The following DAXX variants were observed in gnomAD, a reference collection of about 807,000 sequenced individuals.
DAXX encodes the protein death domain associated protein, also known as death domain-associated protein 6.
DAXX carries 24 observed loss-of-function variants against 61.9 expected under a neutral mutation model. That is an observed-to-expected ratio of 0.39 (90% CI 0.28 to 0.55). The LOEUF is 0.55. Among genes scored for constraint, DAXX ranks in the 20% least tolerant of loss-of-function variants. The pLI, the probability that DAXX is intolerant of heterozygous loss-of-function variation, is 0.69. For synonymous variants in DAXX, 357 were observed against 369.5 expected (o/e 0.97, Z 0.39); for missense variants, 819 against 935.3 (o/e 0.88, Z 1.62).
chr6:33,321,793 G>C lies in DAXX; in HGVS notation c.133C>G (p.His45Asp). ...GAEAPSSSEP[H>D]GARGSSSSGG... ...GAACTACTGCTTCCTCTGGCCCCAT[G>C]AGGCTCAGAGGAGCTAGGGGCTTCT... is the stretch of plus-strand genomic sequence containing the variant. The change falls in exon 2 of 8, where the codon CAT becomes GAT. Residue 45 changes from histidine to aspartate, a missense_variant. Coordinates refer to ENST00000374542, the MANE Select transcript of DAXX (RefSeq NM_001141969.2). This position sits in a 1 kb window ranked among gnomAD's most constrained non-coding sequence, Gnocchi z 7.2. 1.9e-6 allele frequency: 3 copies of C among 1,612,096 alleles called. No individual in the cohort carries two copies. Among genetic ancestry groups the C allele is most frequent in the Non-Finnish European group, 2.5e-6 (3 of 1,178,564 alleles).
In DAXX at chr6:33,318,590, T is replaced by A. The variant is rs1332327039; in HGVS notation, c.*153A>T. 1 of 453,920 alleles carries A rather than the reference T, an allele frequency of 2.2e-6. No individual in the cohort carries two copies. The highest frequency in any genetic ancestry group is 2.1e-5 in the African/African-American group (1 of 48,606). The allele number at this position is 453,920 out of a possible 1,614,324, so 28.1% of individuals were successfully genotyped here. On this transcript the variant is annotated 3_prime_UTR_variant, in exon 8 of 8. Coordinates refer to ENST00000374542, the MANE Select transcript of DAXX (RefSeq NM_001141969.2). ...AGAAAAGAACTTTATTGTTTATTAA[T>A]GTTTCTGTGTAAAACTTAAGCTTTT... is the stretch of plus-strand genomic sequence containing the variant.
intron 6 of DAXX, 43 bp from the exon 7 acceptor site, chr6:33,319,262 T>C (rs761044913): frequency 6.4e-7 from 1 of 1,568,500 alleles, no homozygotes; most frequent in Non-Finnish European, 8.7e-7. Context: ...ACGGGAAGAC[T>C]GAGGCTGGAG....
chr6:33,320,656 A>G lies in DAXX; in HGVS notation c.1040-65T>C, dbSNP rs1289253458. Reference sequence around the variant, plus strand: ...AAGGGACTAGAAGAGTAAAAACCCTAGAAAGGACTAGAGAGATGCCCCATC... The same window carrying G: ...AAGGGACTAGAAGAGTAAAAACCCTGGAAAGGACTAGAGAGATGCCCCATC... On this transcript the variant is annotated intron_variant, in intron 3 of 7. Transcript: ENST00000374542. The surrounding 1 kb of genome is among the most constrained non-coding windows in gnomAD (Gnocchi z 7.1). 1.9e-6 allele frequency: 3 copies of G among 1,603,214 alleles called. No individual in the cohort carries two copies. The highest frequency in any genetic ancestry group is 2.6e-6 in the Non-Finnish European group (3 of 1,174,146).
In DAXX at chr6:33,321,638, G is replaced by A. The variant is rs1770632263; in HGVS notation, c.208-71C>T. On this transcript the variant is annotated intron_variant, in intron 2 of 7. Transcript: ENST00000374542. This position sits in a 1 kb window ranked among gnomAD's most constrained non-coding sequence, Gnocchi z 7.2. ...GGGGTTGAGAGAAAGGGGAGGTGGGGTTAGTGGGAAAGAAAGGACAGGAGA... is the reference window on the plus strand; with the variant it reads ...GGGGTTGAGAGAAAGGGGAGGTGGGATTAGTGGGAAAGAAAGGACAGGAGA... 5 of 1,598,920 alleles carry A rather than the reference G, an allele frequency of 3.1e-6. No individual in the cohort carries two copies. Among genetic ancestry groups the A allele is most frequent in the Admixed American group, 1.7e-5 (1 of 59,554 alleles).
At position 33,320,440 on chromosome 6, in the gene DAXX, C is replaced by G. The variant is rs771065785; in HGVS notation, c.1191G>C (p.Arg397=). 1 of 1,613,854 alleles carries G rather than the reference C, an allele frequency of 6.2e-7. No homozygotes were observed. Among genetic ancestry groups the G allele is most frequent in the South Asian group, 1.1e-5 (1 of 91,070 alleles). Residue 397 remains arginine (R), a synonymous_variant, in exon 4 of 8, where the codon CGG becomes CGC. Coordinates refer to ENST00000374542, the MANE Select transcript of DAXX (RefSeq NM_001141969.2). This position sits in a 1 kb window ranked among gnomAD's most constrained non-coding sequence, Gnocchi z 7.1. ...CAGAGTGGGAAGAGGTGCCTTGGAG[C>G]CGAGCTCTTCTCTTTTTTCTCTCGC... The part of the protein sequence containing the change: ...EEGERKKRRA[R]LQGTSSHSAD...
Position 33,320,859 on chromosome 6 carries a change from G to C in DAXX, c.916C>G (p.Arg306Gly), listed in dbSNP as rs776342399. The C allele has an allele frequency of 2.5e-6, 4 of 1,614,142 alleles. No individual in the cohort carries two copies. Among genetic ancestry groups the C allele is most frequent in the East Asian group, 2.2e-5 (1 of 44,882 alleles). The change falls in exon 3 of 8, where the codon CGA (arginine) becomes GGA (glycine). Residue 306 changes from arginine (R) to glycine (G), a missense_variant. Transcript: ENST00000374542. The surrounding 1 kb of genome is among the most constrained non-coding windows in gnomAD (Gnocchi z 7.1). ...AAARHSLGLP[R>G]QQLQLMAQDA... ...TGAGCCATGAGCTGGAGCTGCTGTCGGGGGAGGCCAAGGCTGTGTCGGGCA... is the reference window on the plus strand; with the variant it reads ...TGAGCCATGAGCTGGAGCTGCTGTCCGGGGAGGCCAAGGCTGTGTCGGGCA...
chr6:33,321,116 G>A lies in DAXX; in HGVS notation c.659C>T (p.Ser220Phe). 6.2e-7 allele frequency: 1 copy of A among 1,612,912 alleles called. No homozygotes were observed. The highest frequency in any genetic ancestry group is 8.5e-7 in the Non-Finnish European group (1 of 1,178,894). Residue 220 changes from serine (S) to phenylalanine (F), a missense_variant, in exon 3 of 8, where the codon TCC becomes TTC. Physicochemically the swap from Ser to Phe is radical, Grantham distance 155 (BLOSUM62 -2). Coordinates refer to ENST00000374542, the MANE Select transcript of DAXX (RefSeq NM_001141969.2). This position sits in a 1 kb window ranked among gnomAD's most constrained non-coding sequence, Gnocchi z 7.2. ...LDLSELDDPD[S>F]AYLQEARLKR... ...CAACCGTGCCTCCTGCAGGTATGCG[G>A]AGTCTGGGTCATCCAATTCTGAGAG...
Position 33,318,589 on chromosome 6 carries a change from A to C in DAXX, c.*154T>G. 6.6e-6 allele frequency: 3 copies of C among 453,684 alleles called. No individual in the cohort carries two copies. Among genetic ancestry groups the C allele is most frequent in the Non-Finnish European group, 1.2e-5 (3 of 255,244 alleles). The allele number at this position is 453,684 out of a possible 1,614,324, so 28.1% of individuals were successfully genotyped here. ...AAGAAAAGAACTTTATTGTTTATTA[A>C]TGTTTCTGTGTAAAACTTAAGCTTT... On this transcript the variant is annotated 3_prime_UTR_variant, in exon 8 of 8. Coordinates refer to ENST00000374542, the MANE Select transcript of DAXX (RefSeq NM_001141969.2).
rs2150999524 is a variant in DAXX at position 33,321,776 on chromosome 6, G to C, written c.150C>G (p.Ser50Arg). Residue 50 changes from serine (S) to arginine (R), a missense_variant, in exon 2 of 8, where the codon AGC becomes AGG. Physicochemically the swap from Ser to Arg is moderately radical, Grantham distance 110 (BLOSUM62 -1). Transcript: ENST00000374542. The surrounding 1 kb of genome is among the most constrained non-coding windows in gnomAD (Gnocchi z 7.2). Reference sequence around the variant, plus strand: ...AGCATTTCTTGCCGCCCGAACTACTGCTTCCTCTGGCCCCATGAGGCTCAG... The same window carrying C: ...AGCATTTCTTGCCGCCCGAACTACTCCTTCCTCTGGCCCCATGAGGCTCAG... Reference protein sequence around the residue: ...SSSEPHGARGSSSSGGKKCYK... With the variant: ...SSSEPHGARGRSSSGGKKCYK... 1 of 1,613,068 alleles carries C rather than the reference G, an allele frequency of 6.2e-7. No individual in the cohort carries two copies. Among genetic ancestry groups the C allele is most frequent in the Non-Finnish European group, 8.5e-7 (1 of 1,179,498 alleles).
In DAXX at chr6:33,321,576, T is replaced by A. The variant is rs747073308; in HGVS notation, c.208-9A>T. On this transcript the variant is annotated splice_polypyrimidine_tract_variant and intron_variant, in intron 2 of 7. Coordinates refer to ENST00000374542, the MANE Select transcript of DAXX (RefSeq NM_001141969.2). The surrounding 1 kb of genome is among the most constrained non-coding windows in gnomAD (Gnocchi z 7.2). ...TTACAAAGTTCAAGGAACTAGAAGG[T>A]TCAGGGGAAGAAGGAAGGGGAAGAG... 6.3e-5 allele frequency: 101 copies of A among 1,608,998 alleles called. No individual in the cohort carries two copies. Among genetic ancestry groups the A allele is most frequent in the Non-Finnish European group, 8.2e-5 (97 of 1,176,436 alleles).
At position 33,319,870 on chromosome 6, in the gene DAXX, AG is replaced by A. The variant is rs752227208; in HGVS notation, c.1466-17del. The A allele has an allele frequency of 4.4e-6, 7 of 1,601,574 alleles. No individual in the cohort carries two copies. The Admixed American group carries it at 1.2e-4, about 28-fold the overall frequency. Reference sequence around the variant, plus strand: ...CCATCTTTACCTGGAAAAGAAGAAAAGGGGAGAGGGTAGCCTGAGAATGAGG... The same window carrying A: ...CCATCTTTACCTGGAAAAGAAGAAAAGGGAGAGGGTAGCCTGAGAATGAGG... On this transcript the variant is annotated splice_polypyrimidine_tract_variant and intron_variant, in intron 5 of 7. Transcript: ENST00000374542.
chr6:33,318,759 A>C lies in DAXX; in HGVS notation c.2207T>G (p.Leu736Arg). ...TQCDPEEIIV[L>R]SDSD ...GGGAGGCAGCTAATCAGAGTCTGAG[A>C]GCACGATGATCTCTTCTGGATCGCA... Residue 736 changes from leucine to arginine, a missense_variant, in exon 8 of 8, where the codon CTC becomes CGC. By Grantham distance (102) the Leu-to-Arg change is moderately radical. Coordinates refer to ENST00000374542, the MANE Select transcript of DAXX (RefSeq NM_001141969.2). 1 of 1,539,000 alleles carries C rather than the reference A, an allele frequency of 6.5e-7. No homozygotes were observed. The highest frequency in any genetic ancestry group is 8.9e-7 in the Non-Finnish European group (1 of 1,127,866).
rs1292255436 is a variant in DAXX, at chr6:33,321,605, C to T, written c.208-38G>A. 1 of 1,587,662 alleles carries T rather than the reference C, an allele frequency of 6.3e-7. No homozygotes were observed. The highest frequency in any genetic ancestry group is 1.1e-5 in the South Asian group (1 of 89,874). ...GGGGAAGAAGGAAGGGGAAGAGAGA[C>T]AAGGGAGGGGGTTGAGAGAAAGGGG... On this transcript the variant is annotated intron_variant, in intron 2 of 7. Transcript: ENST00000374542. The surrounding 1 kb of genome is among the most constrained non-coding windows in gnomAD (Gnocchi z 7.2).
Position 33,320,770 on chromosome 6 carries a change from G to A in DAXX, c.1005C>T (p.Asn335=). The A allele has an allele frequency of 2.5e-6, 4 of 1,614,206 alleles. No homozygotes were observed. Among genetic ancestry groups the A allele is most frequent in the Non-Finnish European group, 3.4e-6 (4 of 1,180,026 alleles). ...QERRHLDLIY[N]FGCHLTDDYR... The stretch of plus-strand genomic sequence containing the variant: ...AGTCATCTGTGAGGTGGCAGCCAAA[G>A]TTGTAGATGAGATCGAGGTGACGTC... Residue 335 remains asparagine (N), a synonymous_variant, in exon 3 of 8, where the codon AAC becomes AAT. Transcript: ENST00000374542. The surrounding 1 kb of genome is among the most constrained non-coding windows in gnomAD (Gnocchi z 7.1).
At position 33,319,156 on chromosome 6, in the gene DAXX, G is replaced by A; in HGVS notation, c.2004C>T (p.Ser668=). 1 of 1,614,078 alleles carries A rather than the reference G, an allele frequency of 6.2e-7. No individual in the cohort carries two copies. The highest frequency in any genetic ancestry group is 8.5e-7 in the Non-Finnish European group (1 of 1,179,972). ...CCAAGGAAGCCAAGGGGGAAGGTGG[G>A]CTGGGCAGGGTACATATCTTTTTCC... ...KNGKKICTLP[S]PPSPLASLAP... The change falls in exon 7 of 8, where the codon AGC becomes AGT. Residue 668 remains serine, a synonymous_variant. Transcript: ENST00000374542.
At chr6:33,322,825 G>GATCC in intron 1 of DAXX, 37 bp downstream of exon 1, 1 of 552,292 alleles carries the variant, frequency 1.8e-6, no homozygotes, top group Admixed American at 3.2e-5. Flanking sequence ...CTATATCCCC[G>GATCC]CCCCCGCCTC....
chr6:33,321,425 CG>C lies in DAXX; in HGVS notation c.349del (p.Arg117GlyfsTer27). The C allele has an allele frequency of 1.2e-6, 2 of 1,613,856 alleles. No individual in the cohort carries two copies. The highest frequency in any genetic ancestry group is 1.7e-6 in the Non-Finnish European group (2 of 1,179,788). On this transcript the variant is annotated frameshift_variant, in exon 3 of 8. Transcript: ENST00000374542. LOFTEE classifies it high-confidence loss of function. This position sits in a 1 kb window ranked among gnomAD's most constrained non-coding sequence, Gnocchi z 7.2. ...GACATAGAGCTTGGCTGGCCGGCTC[CG>C]GGCCCGAGACAGGACCCTAGAGAGG... ...NILSRVLSRA[R>X]SRPAKLYVYI...
chr6:33,320,812 G>A lies in DAXX; in HGVS notation c.963C>T (p.Gly321=), dbSNP rs755250238. The part of the protein sequence containing the change: ...LMAQDAFRDV[G]IRLQERRHLD... ...GGTGACGTCGCTCCTGTAACCTGAT[G>A]CCCACATCTCGGAAGGCATCCTGAG... Residue 321 remains glycine, a synonymous_variant, in exon 3 of 8, where the codon GGC becomes GGT. Coordinates refer to ENST00000374542, the MANE Select transcript of DAXX (RefSeq NM_001141969.2). The surrounding 1 kb of genome is among the most constrained non-coding windows in gnomAD (Gnocchi z 7.1). 6.2e-7 allele frequency: 1 copy of A among 1,614,194 alleles called. No individual in the cohort carries two copies. Among genetic ancestry groups the A allele is most frequent in the Non-Finnish European group, 8.5e-7 (1 of 1,180,042 alleles).
rs1013923101 is a variant in DAXX, at chr6:33,321,657, C to T, written c.207+62G>A. 6.2e-7 allele frequency: 1 copy of T among 1,600,388 alleles called. No individual in the cohort carries two copies. Among genetic ancestry groups the T allele is most frequent in the African/African-American group, 1.3e-5 (1 of 74,786 alleles). ...GGTGGGGTTAGTGGGAAAGAAAGGA[C>T]AGGAGAACCAGTCAGCCATCCCCCT... On this transcript the variant is annotated intron_variant, in intron 2 of 7. Coordinates refer to ENST00000374542, the MANE Select transcript of DAXX (RefSeq NM_001141969.2). This position sits in a 1 kb window ranked among gnomAD's most constrained non-coding sequence, Gnocchi z 7.2.
Sources: allele counts gnomAD v4.1 joint callset, GRCh38; gene constraint gnomAD v4.1.1; non-coding constraint Gnocchi (gnomAD v3.1); transcripts MANE v1.5; gene names NCBI Gene and HGNC (gene_info 2026-07-23, HGNC 2026-07-21).